The following TCHH variants were observed in gnomAD, a reference collection of about 807,000 sequenced individuals.
The protein encoded by TCHH is trichohyalin.
Under a neutral mutation model 6.3 loss-of-function variants are expected in TCHH, and 6 were observed. The observed-to-expected ratio is 0.95, with a 90% CI of 0.52 to 1.88. The LOEUF (loss-of-function observed/expected upper bound fraction) is 1.88. Among genes scored for constraint, TCHH ranks in the 40% most tolerant of loss-of-function variants. The probability of loss-of-function intolerance (pLI) is 0.01; values close to 1 mark genes in which losing one functional copy is unlikely to be tolerated. For missense variants in TCHH, 2,920 were observed against 2,449.1 expected, an observed-to-expected ratio of 1.19 and a Z score of -4.06; for synonymous variants, 1,087 against 963.6, an observed-to-expected ratio of 1.13 and a Z score of -2.37.
Position 152,108,318 on chromosome 1 carries a change from T to C in TCHH, c.4899A>G (p.Glu1633=). Residue 1633 remains glutamate (E), a synonymous_variant, in exon 3 of 3, where the codon GAA becomes GAG. Transcript: ENST00000614923. ...EDEQLLQERE[E]QQLHRQERDR... ...CACGCTCTTGGCGGTGCAGCTGCTG[T>C]TCTTCCCTTTCCTGGAGCAGCTGTT... 2 of 1,612,220 alleles carry C rather than the reference T, an allele frequency of 1.2e-6. No homozygotes were observed. The highest frequency in any genetic ancestry group is 1.7e-6 in the Non-Finnish European group (2 of 1,179,168).
Position 152,108,755 on chromosome 1 carries a change from G to A in TCHH, c.4462C>T (p.Leu1488=), listed in dbSNP as rs761174207. The change falls in exon 3 of 3, where the codon CTG becomes TTG. Residue 1488 remains leucine (L), a synonymous_variant. Coordinates refer to ENST00000614923, the MANE Select transcript of TCHH (RefSeq NM_007113.4). ...LHRQERDRKF[L]EEEQQLRRQE... is the part of the protein sequence containing the mutation. Reference sequence around the variant, plus strand: ...CGGCGCAGCTGTTGTTCCTCCTCCAGGAATTTTCTGTCACGCTCTTGGCGG... The same window carrying A: ...CGGCGCAGCTGTTGTTCCTCCTCCAAGAATTTTCTGTCACGCTCTTGGCGG... 1.9e-6 allele frequency: 3 copies of A among 1,612,346 alleles called. No homozygotes were observed. The highest frequency in any genetic ancestry group is 3.3e-5 in the Admixed American group (2 of 59,816).
rs1226480094 is a variant in TCHH at position 152,107,707 on chromosome 1, A to G, written c.5510T>C (p.Leu1837Pro). The G allele has an allele frequency of 6.2e-7, 1 of 1,613,308 alleles. No homozygotes were observed. Among genetic ancestry groups the G allele is most frequent in the Admixed American group, 1.7e-5 (1 of 59,980 alleles). ...GTACTGCCGGTCTCGCTCCTGCCGCAGCCTCTGCTCTTGTTCCTCAAGTTG... is the reference window on the plus strand; with the variant it reads ...GTACTGCCGGTCTCGCTCCTGCCGCGGCCTCTGCTCTTGTTCCTCAAGTTG... ...QLQLEEQEQRLRQERDRQYRA... is the reference protein window; with the variant it reads ...QLQLEEQEQRPRQERDRQYRA... The change falls in exon 3 of 3, where the codon CTG (leucine) becomes CCG (proline). Residue 1837 changes from leucine (L) to proline (P), a missense_variant. By Grantham distance (98) the Leu-to-Pro change is moderately conservative. Transcript: ENST00000614923.
In TCHH at chr1:152,108,710, A is replaced by C; in HGVS notation, c.4507T>G (p.Phe1503Val). 1 of 1,603,352 alleles carries C rather than the reference A, an allele frequency of 6.2e-7. No homozygotes were observed. Among genetic ancestry groups the C allele is most frequent in the Non-Finnish European group, 8.5e-7 (1 of 1,177,724 alleles). Reference protein sequence around the residue: ...QLRRQERDRKFREQELRSQEP... With the variant: ...QLRRQERDRKVREQELRSQEP... ...TGACTGCGCAGTTCCTGTTCGCGGAATTTTCTGTCACGCTCTTGGCGGCGC... is the reference window on the plus strand; with the variant it reads ...TGACTGCGCAGTTCCTGTTCGCGGACTTTTCTGTCACGCTCTTGGCGGCGC... Residue 1503 changes from phenylalanine to valine, a missense_variant, in exon 3 of 3, where the codon TTC (phenylalanine) becomes GTC (valine). Coordinates refer to ENST00000614923, the MANE Select transcript of TCHH (RefSeq NM_007113.4).
Position 152,108,232 on chromosome 1 carries a change from C to A in TCHH, c.4985G>T (p.Arg1662Leu). Residue 1662 changes from arginine to leucine, a missense_variant, in exon 3 of 3, where the codon CGT becomes CTT. Coordinates refer to ENST00000614923, the MANE Select transcript of TCHH (RefSeq NM_007113.4). The part of the protein sequence containing the change: ...LRRQEREQQL[R>L]HDRDRKFREE... ...ACGGAATTTTCTGTCGCGGTCGTGA[C>A]GCAGCTGTTGTTCGCGCTCCTGGCG... 1 of 1,611,500 alleles carries A rather than the reference C, an allele frequency of 6.2e-7. No homozygotes were observed. Among genetic ancestry groups the A allele is most frequent in the Non-Finnish European group, 8.5e-7 (1 of 1,179,358 alleles).
rs749714138 is a variant in TCHH at position 152,109,020 on chromosome 1, C to G, written c.4197G>C (p.Leu1399=). The G allele has an allele frequency of 6.2e-7, 1 of 1,613,818 alleles. No homozygotes were observed. Among genetic ancestry groups the G allele is most frequent in the Admixed American group, 1.7e-5 (1 of 60,026 alleles). ...ERKFLKEEQQ[L]RCQEREQQLR... is the part of the protein sequence containing the mutation. ...GCTGTTGCTCGCGCTCCTGGCAGCG[C>G]AGCTGCTGTTCCTCCTTAAGGAATT... Residue 1399 remains leucine, a synonymous_variant, in exon 3 of 3, where the codon CTG becomes CTC. Transcript: ENST00000614923.
chr1:152,112,532 G>C lies in TCHH; in HGVS notation c.685C>G (p.Gln229Glu). Residue 229 changes from glutamine (Q) to glutamate (E), a missense_variant, in exon 3 of 3, where the codon CAA becomes GAA. Physicochemically the swap from Gln to Glu is conservative, Grantham distance 29 (BLOSUM62 2). Transcript: ENST00000614923. ...RRKGREEKQQ[Q>E]RRERQDRVFQ... ...ACTCTGTCTTGCCGCTCTCGCCTTT[G>C]CTGCTGTTTCTCCTCGCGGCCCTTC... 6.2e-7 allele frequency: 1 copy of C among 1,613,390 alleles called. No individual in the cohort carries two copies. The highest frequency in any genetic ancestry group is 8.5e-7 in the Non-Finnish European group (1 of 1,180,000).
At position 152,108,783 on chromosome 1, in the gene TCHH, C is replaced by G. The variant is rs777064766; in HGVS notation, c.4434G>C (p.Leu1478=). 8.1e-5 allele frequency: 131 copies of G among 1,613,210 alleles called. No homozygotes were observed. Among genetic ancestry groups the G allele is most frequent in the Non-Finnish European group, 1.0e-4 (121 of 1,179,894 alleles). ...QLLQEREEQQ[L]HRQERDRKFL... ...ATTTTCTGTCACGCTCTTGGCGGTG[C>G]AGCTGCTGTTCTTCCCTTTCCTGGA... The change falls in exon 3 of 3, where the codon CTG becomes CTC. Residue 1478 remains leucine, a synonymous_variant. Transcript: ENST00000614923.
rs1463135556 is a variant in TCHH, at chr1:152,109,071, C to A, written c.4146G>T (p.Arg1382=). 1 of 1,613,604 alleles carries A rather than the reference C, an allele frequency of 6.2e-7. No homozygotes were observed. Among genetic ancestry groups the A allele is most frequent in the South Asian group, 1.1e-5 (1 of 91,054 alleles). Residue 1382 remains arginine, a synonymous_variant, in exon 3 of 3, where the codon CGG becomes CGT. Transcript: ENST00000614923. ...TTCTCTCCCGTTCCTGGCGGCGCAGCCGCTGTTCCTCCTCGAGGAATTTTC... is the reference window on the plus strand; with the variant it reads ...TTCTCTCCCGTTCCTGGCGGCGCAGACGCTGTTCCTCCTCGAGGAATTTTC... The part of the protein sequence containing the change: ...QGRKFLEEEQ[R]LRRQERERKF...
At position 152,109,066 on chromosome 1, in the gene TCHH, C is replaced by G. The variant is rs374209946; in HGVS notation, c.4151G>C (p.Arg1384Pro). The stretch of plus-strand genomic sequence containing the variant: ...GAATTTTCTCTCCCGTTCCTGGCGG[C>G]GCAGCCGCTGTTCCTCCTCGAGGAA... ...RKFLEEEQRL[R>P]RQERERKFLK... is the part of the protein sequence containing the mutation. The change falls in exon 3 of 3, where the codon CGC (arginine) becomes CCC (proline). Residue 1384 changes from arginine (R) to proline (P), a missense_variant. By Grantham distance (103) the Arg-to-Pro change is moderately radical. Transcript: ENST00000614923. 2 of 1,612,798 alleles carry G rather than the reference C, an allele frequency of 1.2e-6. No homozygotes were observed. Among genetic ancestry groups the G allele is most frequent in the Non-Finnish European group, 1.7e-6 (2 of 1,179,682 alleles).
Position 152,107,174 on chromosome 1 carries a change from T to A in TCHH, c.*211A>T, listed in dbSNP as rs1362948190. On this transcript the variant is annotated 3_prime_UTR_variant, in exon 3 of 3. Coordinates refer to ENST00000614923, the MANE Select transcript of TCHH (RefSeq NM_007113.4). ...TGCATCAAAGAGCAAAAGAAAGACATCTTGCAGTAAAGAACTACTTGAGGA... is the reference window on the plus strand; with the variant it reads ...TGCATCAAAGAGCAAAAGAAAGACAACTTGCAGTAAAGAACTACTTGAGGA... The A allele has an allele frequency of 4.4e-6, 2 of 453,616 alleles. No individual in the cohort carries two copies. The highest frequency in any genetic ancestry group is 7.7e-6 in the Non-Finnish European group (2 of 260,320). 28.1% of individuals were successfully genotyped at this position (453,616 alleles called of 1,614,324 possible).
rs977521803 is a variant in TCHH, at chr1:152,112,989, TAGG to T, written c.225_227del (p.Leu76del). ...AAGCTTGAGCCACTTTGAAAATAAA[TAGG>T]AGGAATTCGTTGAAATCGACACGCC... On this transcript the variant is annotated inframe_deletion, in exon 3 of 3. Coordinates refer to ENST00000614923, the MANE Select transcript of TCHH (RefSeq NM_007113.4). The T allele has an allele frequency of 6.2e-7, 1 of 1,613,976 alleles. No individual in the cohort carries two copies. Among genetic ancestry groups the T allele is most frequent in the Admixed American group, 1.7e-5 (1 of 59,986 alleles).
Position 152,112,455 on chromosome 1 carries a change from C to T in TCHH, c.762G>A (p.Arg254=), listed in dbSNP as rs1348776174. The T allele has an allele frequency of 6.2e-7, 1 of 1,613,806 alleles. No individual in the cohort carries two copies. Among genetic ancestry groups the T allele is most frequent in the Non-Finnish European group, 8.5e-7 (1 of 1,179,998 alleles). Residue 254 remains arginine, a synonymous_variant, in exon 3 of 3, where the codon CGG becomes CGA. Coordinates refer to ENST00000614923, the MANE Select transcript of TCHH (RefSeq NM_007113.4). ...KEWRKRETVL[R]KEEEKLQEEE... ...CTTCCTGCAACTTCTCTTCTTCCTT[C>T]CGGAGCACTGTCTCGCGCTTCCTCC...
chr1:152,110,835 C>T lies in TCHH; in HGVS notation c.2382G>A (p.Arg794=), dbSNP rs371865999. ...LSARPPLREQ[R]ERQLRAEERQ... is the part of the protein sequence containing the mutation. ...GCTCCTCGGCCCTCAGCTGCCTCTC[C>T]CGCTGCTCCCGCAATGGGGGCCTGG... is the stretch of plus-strand genomic sequence containing the variant. Residue 794 remains arginine, a synonymous_variant, in exon 3 of 3, where the codon CGG becomes CGA. Coordinates refer to ENST00000614923, the MANE Select transcript of TCHH (RefSeq NM_007113.4). 32 of 1,609,692 alleles carry T rather than the reference C, an allele frequency of 2.0e-5. No individual in the cohort carries two copies. In the African/African-American group the frequency reaches 3.6e-4, roughly 18 times the overall value.
chr1:152,111,637 C>T lies in TCHH; in HGVS notation c.1580G>A (p.Arg527Lys). The T allele has an allele frequency of 6.3e-7, 1 of 1,597,358 alleles. No individual in the cohort carries two copies. Among genetic ancestry groups the T allele is most frequent in the East Asian group, 2.3e-5 (1 of 43,912 alleles). The change falls in exon 3 of 3, where the codon AGG (arginine) becomes AAG (lysine). Residue 527 changes from arginine to lysine, a missense_variant. Arg to Lys is a conservative substitution (Grantham distance 26). Transcript: ENST00000614923. ...QRLKRQEEEE[R>K]LQQRLRSEQQ... The stretch of plus-strand genomic sequence containing the variant: ...CTCGCTCCTCAACCGCTGCTGGAGC[C>T]TCTCTTCCTCCTCCTGGCGCTTCAG...
In TCHH at chr1:152,110,427, G is replaced by A. The variant is rs1246413270; in HGVS notation, c.2790C>T (p.Tyr930=). Residue 930 remains tyrosine (Y), a synonymous_variant, in exon 3 of 3, where the codon TAC becomes TAT. Transcript: ENST00000614923. The part of the protein sequence containing the change: ...KRRRQEQERQ[Y]REEEQLQQEE... Reference sequence around the variant, plus strand: ...CCTGCTGCAGCTGCTCTTCCTCGCGGTATTGTCTCTCCTGTTCTTGGCGCC... The same window carrying A: ...CCTGCTGCAGCTGCTCTTCCTCGCGATATTGTCTCTCCTGTTCTTGGCGCC... The A allele has an allele frequency of 4.3e-6, 7 of 1,613,710 alleles. No homozygotes were observed. The highest frequency in any genetic ancestry group is 1.7e-5 in the Admixed American group (1 of 59,992).
In TCHH at chr1:152,112,237, C is replaced by G; in HGVS notation, c.980G>C (p.Arg327Thr). 6.3e-7 allele frequency: 1 copy of G among 1,596,474 alleles called. No individual in the cohort carries two copies. The highest frequency in any genetic ancestry group is 8.5e-7 in the Non-Finnish European group (1 of 1,175,686). ...QQEERREQQERREQQEERREQ... is the reference protein window; with the variant it reads ...QQEERREQQETREQQEERREQ... ...GCGCCTCTCCTCCTGCTGCTCGCGC[C>G]TCTCCTGCTGCTCGCGCCTCTCCTC... is the stretch of plus-strand genomic sequence containing the variant. The change falls in exon 3 of 3, where the codon AGG becomes ACG. Residue 327 changes from arginine to threonine, a missense_variant. Transcript: ENST00000614923.
chr1:152,112,195 C>T lies in TCHH; in HGVS notation c.1022G>A (p.Arg341His), dbSNP rs763810363. 3 of 1,475,108 alleles carry T rather than the reference C, an allele frequency of 2.0e-6. No homozygotes were observed. The highest frequency in any genetic ancestry group is 2.3e-5 in the South Asian group (2 of 88,356). 91.4% of individuals were successfully genotyped at this position (1,475,108 alleles called of 1,614,324 possible). The change falls in exon 3 of 3, where the codon CGC (arginine) becomes CAC (histidine). Residue 341 changes from arginine (R) to histidine (H), a missense_variant. Arg to His is a conservative substitution (Grantham distance 29, BLOSUM62 0). Coordinates refer to ENST00000614923, the MANE Select transcript of TCHH (RefSeq NM_007113.4). ...QEERREQQLRREQEERREQQL... is the reference protein window; with the variant it reads ...QEERREQQLRHEQEERREQQL... ...CTGCTCGCGCCTCTCCTCCTGCTCG[C>T]GCCTCAGCTGCTGCTCGCGCCTCTC...
chr1:152,108,401 G>C lies in TCHH; in HGVS notation c.4816C>G (p.Arg1606Gly). The change falls in exon 3 of 3, where the codon CGC (arginine) becomes GGC (glycine). Residue 1606 changes from arginine (R) to glycine (G), a missense_variant. Arg to Gly is a moderately radical substitution (Grantham distance 125, BLOSUM62 -2). Transcript: ENST00000614923. ...CGCAGCTGTTGTTGGCCCTCCTGGC[G>C]GCGCAGCTGCTGTTCGTCCTCCATG... Reference protein sequence around the residue: ...KFMEDEQQLRRQEGQQQLRQE... With the variant: ...KFMEDEQQLRGQEGQQQLRQE... 1 of 1,612,942 alleles carries C rather than the reference G, an allele frequency of 6.2e-7. No individual in the cohort carries two copies. The highest frequency in any genetic ancestry group is 8.5e-7 in the Non-Finnish European group (1 of 1,179,720).
chr1:152,108,330 C>G lies in TCHH; in HGVS notation c.4887G>C (p.Gln1629His). The change falls in exon 3 of 3, where the codon CAG becomes CAC. Residue 1629 changes from glutamine to histidine, a missense_variant. Coordinates refer to ENST00000614923, the MANE Select transcript of TCHH (RefSeq NM_007113.4). ...GGTGCAGCTGCTGTTCTTCCCTTTC[C>G]TGGAGCAGCTGTTCGTCTTCGCGGA... ...RKFREDEQLL[Q>H]EREEQQLHRQ... is the part of the protein sequence containing the mutation. 1.2e-6 allele frequency: 2 copies of G among 1,606,200 alleles called. No homozygotes were observed. Among genetic ancestry groups the G allele is most frequent in the Non-Finnish European group, 1.7e-6 (2 of 1,177,192 alleles).
Sources: gnomAD v4.1 joint callset for allele counts on GRCh38, gnomAD v4.1.1 for gene constraint, MANE v1.5 for transcripts, NCBI Gene and HGNC (gene_info 2026-07-23, HGNC 2026-07-21) for gene names.